The following TCF12 variants were observed in gnomAD, a reference collection of about 807,000 sequenced individuals.
TCF12 encodes transcription factor 12.
A neutral mutation model predicts 86.0 loss-of-function variants in TCF12; 45 were observed. The observed-to-expected ratio is 0.52, with a 90% CI of 0.41 to 0.67. TCF12 has a LOEUF of 0.67. Ranked by LOEUF, TCF12 falls within the 30% of genes least tolerant of loss-of-function variation. TCF12 has a pLI of 0.00. For synonymous variants in TCF12, 330 were observed against 299.6 expected (o/e 1.10, Z -1.05); for missense variants, 881 against 859.9 (o/e 1.02, Z -0.31).
At chr15:57,048,833 C>A (rs1040716327) in intron 3 of TCF12, among the ~76,000 whole-genome samples, 3 of 152,074 alleles carry the variant, frequency 2.0e-5, no homozygotes, top group Admixed American at 6.6e-5. Flanking sequence ...ATGTATAACT[C>A]AGTAAGCTTG....
intron 3 of TCF12, among the ~76,000 whole-genome samples, chr15:57,055,935 T>C (rs1322692646): frequency 2.0e-5 from 3 of 152,182 alleles, no homozygotes; most frequent in Non-Finnish European, 2.9e-5. Context: ...GTCTTTTAAA[T>C]ATCTTCCCTT....
intron 19 of TCF12, among the ~76,000 whole-genome samples, chr15:57,280,256 T>G (rs1423622729): frequency 1.3e-5 from 2 of 152,196 alleles, no homozygotes; most frequent in Admixed American, 6.5e-5. Flanking sequence ...GCACAACTAC[T>G]TATTAAGAAA....
chr15:56,974,403 A>G (rs1414017623), intron 3 of TCF12, among the ~76,000 whole-genome samples: 2 of 152,118 alleles, frequency 1.3e-5, no homozygotes, highest in Non-Finnish European at 2.9e-5. Context: ...TGAAGACTCT[A>G]TGGGGATTCT....
chr15:57,089,968 G>A (rs1042902283), intron 4 of TCF12, among the ~76,000 whole-genome samples: 22 of 152,080 alleles, frequency 1.4e-4, no homozygotes, highest in South Asian at 6.2e-4. Flanking sequence ...TAATTCCAGC[G>A]CTTTGGGAGG....
intron 3 of TCF12, among the ~76,000 whole-genome samples, chr15:57,006,991 G>A (rs1209802107): frequency 6.6e-6 from 1 of 152,120 alleles, no homozygotes; most frequent in East Asian, 1.9e-4. Context: ...TTGGCACCAT[G>A]TTAACTAGAT....
chr15:57,139,056 A>T (rs1162221563), intron 5 of TCF12, among the ~76,000 whole-genome samples: 1 of 152,144 alleles, frequency 6.6e-6, no homozygotes, highest in Non-Finnish European at 1.5e-5. Flanking sequence ...GGTCCTCTAG[A>T]TAAGATCATA....
At chr15:57,077,548 A>G (rs1041506570) in intron 4 of TCF12, among the ~76,000 whole-genome samples, 1 of 151,586 alleles carries the variant, frequency 6.6e-6, no homozygotes. Context: ...AAGTATTTTT[A>G]ATTGCATTTT....
chr15:57,170,764 T>TA (rs1567559736), intron 6 of TCF12, among the ~76,000 whole-genome samples: 44 of 14,084 alleles, frequency 3.1e-3, no homozygotes, highest in African/African-American at 0.012. Context: ...ATATATTATA[T>TA]ATATATTATA....
intron 3 of TCF12, among the ~76,000 whole-genome samples, chr15:56,949,695 A>G (rs547782788): frequency 4.1e-4 from 63 of 152,300 alleles, no homozygotes; most frequent in African/African-American, 1.4e-3. Context: ...GGTTTCAGGG[A>G]TGGAAGGGTG....
At chr15:57,059,718 A>C (rs2068307548) in intron 3 of TCF12, among the ~76,000 whole-genome samples, 1 of 93,436 alleles carries the variant, frequency 1.1e-5, no homozygotes, top group Non-Finnish European at 1.9e-5. Context: ...ATTTGTTTAC[A>C]GGGCTCATAT....
intron 3 of TCF12, among the ~76,000 whole-genome samples, chr15:57,035,331 A>T (rs1321283124): frequency 6.6e-6 from 1 of 152,202 alleles, no homozygotes; most frequent in Non-Finnish European, 1.5e-5. Context: ...TGGCACGATC[A>T]TAGCTCACTG....
At chr15:57,058,661 A>G (rs1166524983) in intron 3 of TCF12, among the ~76,000 whole-genome samples, 1 of 152,198 alleles carries the variant, frequency 6.6e-6, no homozygotes. Flanking sequence ...GTCTATAACT[A>G]ATGTTATATA....
intron 4 of TCF12, among the ~76,000 whole-genome samples, chr15:57,079,220 T>C (rs1290563312): frequency 3.9e-5 from 6 of 152,216 alleles, no homozygotes; most frequent in African/African-American, 1.4e-4. Flanking sequence ...TGCTTCACAG[T>C]TTACATACAC....
intron 5 of TCF12, among the ~76,000 whole-genome samples, chr15:57,134,038 C>A (rs1046495190): frequency 6.6e-6 from 1 of 152,180 alleles, no homozygotes; most frequent in Admixed American, 6.5e-5. Context: ...CTTAACCTCA[C>A]AAGAGTGGTG....
chr15:57,282,913 G>A (rs12438782), intron 20 of TCF12, among the ~76,000 whole-genome samples: 6,118 of 152,192 alleles, frequency 0.04, 374 homozygotes, highest in Admixed American at 0.17. Flanking sequence ...TGACTCAACC[G>A]TCAGAAAACG....
chr15:57,089,126 C>T (rs370006571), intron 4 of TCF12, among the ~76,000 whole-genome samples: 15 of 152,178 alleles, frequency 9.9e-5, no homozygotes, highest in Admixed American at 5.9e-4. Context: ...TTTGTCCCTT[C>T]TCCCAGCATC....
At chr15:57,092,436 A>G (rs938302617) in intron 5 of TCF12, among the ~76,000 whole-genome samples, 6 of 152,176 alleles carry the variant, frequency 3.9e-5, no homozygotes, top group African/African-American at 1.4e-4. Context: ...CAAGAAGGGT[A>G]TGCACTACCA....
At position 57,234,112 on chromosome 15, in the gene TCF12, G is replaced by C; in HGVS notation, c.1035+5G>C. On this transcript the variant is annotated splice_donor_5th_base_variant and intron_variant, in intron 12 of 20. Transcript: ENST00000333725. Reference sequence around the variant, plus strand: ...CTTGGAAAGGCTTTGGCATCTGTGAGTATTGATTTTACACATTCTACTGAA... The same window carrying C: ...CTTGGAAAGGCTTTGGCATCTGTGACTATTGATTTTACACATTCTACTGAA... 1 of 1,612,240 alleles carries C rather than the reference G, an allele frequency of 6.2e-7. No homozygotes were observed. Among genetic ancestry groups the C allele is most frequent in the Non-Finnish European group, 8.5e-7 (1 of 1,178,476 alleles).
At chr15:57,101,918 T>C (rs1281465060) in intron 5 of TCF12, among the ~76,000 whole-genome samples, 1 of 152,202 alleles carries the variant, frequency 6.6e-6, no homozygotes. Context: ...TACATACTTT[T>C]CCACACTTGT....
Sources: allele counts gnomAD v4.1 joint callset (sites outside exome capture counted in the v4.1 genomes callset), GRCh38; gene constraint gnomAD v4.1.1; transcripts MANE v1.5; gene names NCBI Gene and HGNC (gene_info 2026-07-23, HGNC 2026-07-21).